The following THAP5 variants were observed in gnomAD, a reference collection of about 807,000 sequenced individuals.
The protein encoded by THAP5 is THAP domain-containing protein 5.
A neutral mutation model predicts 34.0 loss-of-function variants in THAP5; 26 were observed. The observed-to-expected ratio is 0.77, with a 90% CI of 0.56 to 1.06. The LOEUF is 1.06. Among genes scored for constraint, THAP5 ranks in the 50% least tolerant of loss-of-function variants. THAP5 has a pLI of 0.00. For synonymous variants in THAP5, 125 were observed against 153.0 expected (o/e 0.82, Z 1.35); for missense variants, 394 against 452.8 (o/e 0.87, Z 1.18).
the THAP5 span, among the ~76,000 whole-genome samples, chr7:108,548,419 G>A: frequency 6.6e-6 from 1 of 152,164 alleles, no homozygotes; most frequent in Non-Finnish European, 1.5e-5. Flanking sequence ...CTGGATGATA[G>A]AAATGATAAT....
At position 108,567,938 on chromosome 7, in the gene THAP5, G is replaced by C. The variant is rs73428108; in HGVS notation, c.80+1552C>G. ...GTTACTGTAAGGTCCACAAAGTTTA[G>C]TTAAAAATTTCAGTGTGGGGTTATA... On this transcript the variant is annotated intron_variant, in intron 1 of 2. Coordinates refer to ENST00000415914, the MANE Select transcript of THAP5 (RefSeq NM_001130475.3). Among the ~76,000 whole-genome samples the C allele has an allele frequency of 9.9e-3, 1,503 of 152,244 alleles. 24 individuals carry two copies. The highest frequency in any genetic ancestry group is 0.035 in the African/African-American group (1,438 of 41,528).
In THAP5 at chr7:108,564,232, T is replaced by C. The variant is rs139439083; in HGVS notation, c.1147A>G (p.Ile383Val). The change falls in exon 3 of 3, where the codon ATA becomes GTA. Residue 383 changes from isoleucine (I) to valine (V), a missense_variant. Physicochemically the swap from Ile to Val is conservative, Grantham distance 29. Transcript: ENST00000415914. The part of the protein sequence containing the change: ...NWLSEENVKI[I>V]ENHFTTYEVT... ...TCATATGTTGTAAAATGGTTTTCTA[T>C]AATCTTGACGTTTTCTTCAGATAGC... 1.3e-5 allele frequency: 21 copies of C among 1,606,520 alleles called. No individual in the cohort carries two copies. In the African/African-American group the frequency reaches 2.6e-4, roughly 20 times the overall value.
intron 1 of THAP5, among the ~76,000 whole-genome samples, chr7:108,567,964 C>A (rs1790521682): frequency 6.6e-6 from 1 of 152,182 alleles, no homozygotes; most frequent in Non-Finnish European, 1.5e-5. Flanking sequence ...TGGGGTTATA[C>A]CCCATCTCCA....
At position 108,562,884 on chromosome 7, in the gene THAP5, A is replaced by G. The variant is rs972181733; in HGVS notation, c.*1307T>C. 2 of 152,226 alleles carry G rather than the reference A, an allele frequency of 1.3e-5. No individual in the cohort carries two copies. Among genetic ancestry groups the G allele is most frequent in the Non-Finnish European group, 2.9e-5 (2 of 68,034 alleles). The allele number at this position is 152,226 out of a possible 1,614,324, so 9.4% of individuals were successfully genotyped here. On this transcript the variant is annotated 3_prime_UTR_variant, in exon 3 of 3. Transcript: ENST00000415914. ...TCCCTAAGATCATGACCACTTATGT[A>G]TAATTTCTTGCTTATAAATTTTAAT...
chr7:108,560,650 T>A (rs73193447), downstream of THAP5, among the ~76,000 whole-genome samples: 1,878 of 152,336 alleles, frequency 0.012, 15 homozygotes, highest in Non-Finnish European at 0.021. Flanking sequence ...AGAGAGAGTT[T>A]GAAACAGATG....
At chr7:108,562,016 G>A (rs1170049647), downstream of THAP5, among the ~76,000 whole-genome samples, 2 of 152,166 alleles carry the variant, frequency 1.3e-5, no homozygotes, top group Admixed American at 1.3e-4. Context: ...CTTAACAGCT[G>A]AGCATCCCCA....
At position 108,564,090 on chromosome 7, in the gene THAP5, T is replaced by A. The variant is rs1011688033; in HGVS notation, c.*101A>T. Reference sequence around the variant, plus strand: ...ACTTTACAACACTCTCATAGGTTCATTAAGATGAGAACTTTATACAGGAAA... The same window carrying A: ...ACTTTACAACACTCTCATAGGTTCAATAAGATGAGAACTTTATACAGGAAA... On this transcript the variant is annotated 3_prime_UTR_variant, in exon 3 of 3. Coordinates refer to ENST00000415914, the MANE Select transcript of THAP5 (RefSeq NM_001130475.3). 3 of 955,136 alleles carry A rather than the reference T, an allele frequency of 3.1e-6. No individual in the cohort carries two copies. The African/African-American group carries it at 4.9e-5, about 16-fold the overall frequency. The allele number at this position is 955,136 out of a possible 1,614,324, so 59.2% of individuals were successfully genotyped here. A position where few individuals can be genotyped will look rare whatever the true frequency, so the allele number is the denominator to read the frequency against.
the THAP5 span, among the ~76,000 whole-genome samples, chr7:108,544,800 G>A: frequency 6.6e-6 from 1 of 151,982 alleles, no homozygotes; most frequent in Non-Finnish European, 1.5e-5. Flanking sequence ...TGGGGCTACA[G>A]GGGCACATCA....
Position 108,564,829 on chromosome 7 carries a change from C to G in THAP5, c.550G>C (p.Val184Leu). Residue 184 changes from valine to leucine, a missense_variant, in exon 3 of 3, where the codon GTT becomes CTT. Transcript: ENST00000415914. ...GKPESTLETS[V>L]NQDTGRGGFH... is the part of the protein sequence containing the mutation. The stretch of plus-strand genomic sequence containing the variant: ...CCACCTCTACCTGTATCTTGGTTAA[C>G]TGATGTTTCCAAGGTAGATTCTGGT... 6.2e-7 allele frequency: 1 copy of G among 1,613,134 alleles called. No individual in the cohort carries two copies.
chr7:108,546,578 A>T, the THAP5 span, among the ~76,000 whole-genome samples: 1 of 152,106 alleles, frequency 6.6e-6, no homozygotes, highest in Non-Finnish European at 1.5e-5. Flanking sequence ...GAGAAGGAGG[A>T]ATTTGTGGGA....
Position 108,566,025 on chromosome 7 carries a change from G to A in THAP5, c.81-3C>T, listed in dbSNP as rs1310658335. The A allele has an allele frequency of 1.1e-5, 16 of 1,485,406 alleles. No homozygotes were observed. The highest frequency in any genetic ancestry group is 1.3e-5 in the South Asian group (1 of 74,202). The allele number at this position is 1,485,406 out of a possible 1,614,324, so 92.0% of individuals were successfully genotyped here. A position where few individuals can be genotyped will look rare whatever the true frequency, so the allele number is the denominator to read the frequency against. ...TTTCTTTGTCATGTAGAGGAAATCT[G>A]GAATTTAAAAAAAAAAGAAGAAAAA... is the stretch of plus-strand genomic sequence containing the variant. On this transcript the variant is annotated splice_polypyrimidine_tract_variant and splice_region_variant and intron_variant, in intron 1 of 2. Coordinates refer to ENST00000415914, the MANE Select transcript of THAP5 (RefSeq NM_001130475.3).
chr7:108,550,907 T>G (rs1025651039), downstream of THAP5, among the ~76,000 whole-genome samples: 11 of 152,192 alleles, frequency 7.2e-5, no homozygotes, highest in Non-Finnish European at 1.3e-4. Flanking sequence ...ACACAATTCT[T>G]ATTTGGGTCT....
intron 1 of THAP5, among the ~76,000 whole-genome samples, chr7:108,555,778 C>T (rs1479265769): frequency 1.3e-5 from 2 of 150,402 alleles, no homozygotes; most frequent in Non-Finnish European, 2.9e-5. Flanking sequence ...CCTTGGCTCA[C>T]TGCAACCTCC....
At position 108,562,330 on chromosome 7, in the gene THAP5, T is replaced by G. The variant is rs1331797041; in HGVS notation, c.*1861A>C. ...AACATAGGAATACTTAATAACACTG[T>G]AATAACTCTATCATCTCCCCATAAT... On this transcript the variant is annotated 3_prime_UTR_variant, in exon 3 of 3. Transcript: ENST00000415914. The G allele has an allele frequency of 6.6e-6, 1 of 152,172 alleles. No homozygotes were observed. The highest frequency in any genetic ancestry group is 1.5e-5 in the Non-Finnish European group (1 of 68,024). The allele number at this position is 152,172 out of a possible 1,614,324, so 9.4% of individuals were successfully genotyped here.
chr7:108,556,078 A>G (rs1312752824), intron 1 of THAP5, among the ~76,000 whole-genome samples: 1 of 152,178 alleles, frequency 6.6e-6, no homozygotes. Flanking sequence ...AGATCTCGTG[A>G]AAACTCATTC....
intron 2 of THAP5, chr7:108,565,623 T>C: frequency 2.5e-6 from 1 of 407,778 alleles, no homozygotes; most frequent in Non-Finnish European, 4.3e-6. Flanking sequence ...AACTTAATAA[T>C]GTATATCTCT....
the THAP5 span, among the ~76,000 whole-genome samples, chr7:108,546,998 A>G: frequency 4.6e-5 from 7 of 152,328 alleles, no homozygotes; most frequent in South Asian, 1.4e-3. Flanking sequence ...GAAACTATCC[A>G]GGTGGACTGG....
chr7:108,568,435 C>T (rs1037077962), intron 1 of THAP5: 4 of 154,386 alleles, frequency 2.6e-5, no homozygotes, highest in Admixed American at 6.5e-5. Context: ...AGACTGCCGA[C>T]CTCAGGTGAT....
At chr7:108,550,666 G>A (rs1339813531), downstream of THAP5, among the ~76,000 whole-genome samples, 1 of 152,192 alleles carries the variant, frequency 6.6e-6, no homozygotes, top group Non-Finnish European at 1.5e-5. Context: ...CTGTATTACA[G>A]ATGGCTACTT....
Sources: gnomAD v4.1 joint callset for allele counts (sites outside exome capture counted in the v4.1 genomes callset) on GRCh38, gnomAD v4.1.1 for gene constraint, MANE v1.5 for transcripts, NCBI Gene and HGNC (gene_info 2026-07-23, HGNC 2026-07-21) for gene names.